MCF2L2: variants seen among roughly 807,000 people sequenced by gnomAD.
MCF2L2 encodes probable guanine nucleotide exchange factor MCF2L2.
MCF2L2 carries 102 observed loss-of-function variants against 150.2 expected under a neutral mutation model. That is an observed-to-expected ratio of 0.68 (90% CI 0.58 to 0.80). The LOEUF is 0.80. MCF2L2 is among the 30% of genes least tolerant of loss of function. MCF2L2 has a pLI of 0.00. For synonymous variants in MCF2L2, 465 were observed against 491.3 expected (o/e 0.95, Z 0.71); for missense variants, 1,256 against 1,372.8 (o/e 0.91, Z 1.34).
At chr3:183,341,708 C>T in intron 3 of MCF2L2, 78 bp from the exon 4 acceptor site, 3 of 968,872 alleles carry the variant, frequency 3.1e-6, no homozygotes, top group Non-Finnish European at 5.0e-6. Flanking sequence ...AGAATACACC[C>T]TGAAGCCTCC....
intron 14 of MCF2L2, among the ~76,000 whole-genome samples, chr3:183,281,083 TTTAA>T (rs149756301): frequency 0.02 from 3,034 of 152,148 alleles, 113 homozygotes; most frequent in African/African-American, 0.069. Flanking sequence ...GCATTGTAAA[TTTAA>T]TTAATTAATT....
At chr3:183,186,582 C>T (rs776383831) in intron 27 of MCF2L2, among the ~76,000 whole-genome samples, 1 of 152,158 alleles carries the variant, frequency 6.6e-6, no homozygotes. Flanking sequence ...CAAAAATTAG[C>T]GAGGTGTGGT....
intron 24 of MCF2L2, 24 bp from the exon 25 acceptor site, chr3:183,205,978 CT>C: frequency 1.9e-6 from 3 of 1,599,466 alleles, no homozygotes; most frequent in Non-Finnish European, 1.7e-6. Context: ...TAAGAAAACA[CT>C]ATAAGACTAC....
At chr3:183,261,441 C>T (rs989316350) in intron 15 of MCF2L2, among the ~76,000 whole-genome samples, 8 of 152,128 alleles carry the variant, frequency 5.3e-5, no homozygotes, top group East Asian at 1.9e-4. Flanking sequence ...AACTCTCCCA[C>T]GTGGGACTTT....
At chr3:183,253,980 T>C (rs1347671515) in intron 15 of MCF2L2, 1 of 152,028 alleles carries the variant, frequency 6.6e-6, no homozygotes, top group Non-Finnish European at 1.5e-5. Context: ...CACGGATGGT[T>C]CGTTCTCCGT....
rs775394180 is a variant in MCF2L2, at chr3:183,300,002, C to T, written c.1305+3G>A. The T allele has an allele frequency of 6.2e-7, 1 of 1,609,316 alleles. No homozygotes were observed. The highest frequency in any genetic ancestry group is 1.3e-5 in the African/African-American group (1 of 74,474). On this transcript the variant is annotated splice_donor_region_variant and intron_variant, in intron 11 of 29. Transcript: ENST00000328913. The stretch of plus-strand genomic sequence containing the variant: ...ATCATGTTCTTGGCTGTGTTTTGCT[C>T]ACCTTGTCCAGCTGTCTATGAAACT...
intron 3 of MCF2L2, among the ~76,000 whole-genome samples, chr3:183,363,416 T>C (rs1560041430): frequency 1.3e-5 from 2 of 152,214 alleles, no homozygotes; most frequent in Non-Finnish European, 2.9e-5. Context: ...AAAATACTCA[T>C]GATGCAGACG....
chr3:183,315,811 GCAAGA>G (rs1412821355), intron 7 of MCF2L2, among the ~76,000 whole-genome samples: 1 of 152,096 alleles, frequency 6.6e-6, no homozygotes, highest in East Asian at 1.9e-4. Context: ...AGCATATACA[GCAAGA>G]CCTGACTGGC....
Position 183,344,768 on chromosome 3 carries a change from G to T in MCF2L2, c.276-3138C>A, listed in dbSNP as rs192030228. Among the ~76,000 whole-genome samples, 19 of 152,212 alleles carry T rather than the reference G, an allele frequency of 1.2e-4. No homozygotes were observed. The East Asian group carries it at 3.7e-3, about 29-fold the overall frequency. On this transcript the variant is annotated intron_variant, in intron 3 of 29. Transcript: ENST00000328913. ...AAATGGAAAGAAAAAAAAGACAGGGGTTGCAATCCTAGTCTCTGATAAAAC... is the reference window on the plus strand; with the variant it reads ...AAATGGAAAGAAAAAAAAGACAGGGTTTGCAATCCTAGTCTCTGATAAAAC...
At chr3:183,226,246 C>T (rs969661757) in intron 18 of MCF2L2, 1 of 152,102 alleles carries the variant, frequency 6.6e-6, no homozygotes, top group Non-Finnish European at 1.5e-5. Flanking sequence ...AGATGGAGAC[C>T]ATCCTGGCCA....
chr3:183,218,238 G>GT (rs1414893070), intron 21 of MCF2L2, among the ~76,000 whole-genome samples: 2 of 152,334 alleles, frequency 1.3e-5, no homozygotes, highest in Admixed American at 1.3e-4. Context: ...TCTGAAAAAC[G>GT]TATCATGGAT....
At chr3:183,238,923 G>A (rs151044004) in intron 15 of MCF2L2, among the ~76,000 whole-genome samples, 7,746 of 148,084 alleles carry the variant, frequency 0.052, 641 homozygotes, top group African/African-American at 0.18. Flanking sequence ...CGTGGACCCC[G>A]GAGGTGGAGC....
At chr3:183,387,754 G>A (rs1470630870) in intron 2 of MCF2L2, among the ~76,000 whole-genome samples, 1 of 151,950 alleles carries the variant, frequency 6.6e-6, no homozygotes, top group Non-Finnish European at 1.5e-5. Context: ...CCAACATGGT[G>A]AAAGCCCATC....
chr3:183,404,601 G>A (rs897534403), intron 1 of MCF2L2, among the ~76,000 whole-genome samples: 13 of 152,298 alleles, frequency 8.5e-5, no homozygotes, highest in South Asian at 4.1e-4. Flanking sequence ...GGTGGCTCAC[G>A]CCTGTAATCC....
At chr3:183,294,527 A>T (rs1034136716) in intron 13 of MCF2L2, among the ~76,000 whole-genome samples, 6 of 139,284 alleles carry the variant, frequency 4.3e-5, no homozygotes, top group Non-Finnish European at 7.7e-5. Context: ...TAATTTATTT[A>T]TATATATATA....
chr3:183,425,903 C>T (rs1038213414), intron 1 of MCF2L2, among the ~76,000 whole-genome samples: 2 of 151,426 alleles, frequency 1.3e-5, no homozygotes, highest in Admixed American at 6.6e-5. Context: ...TGCAGTGAGT[C>T]GAGATCACAC....
Position 183,363,749 on chromosome 3 carries a change from A to C in MCF2L2, c.275+15548T>G, listed in dbSNP as rs548776657. Reference sequence around the variant, plus strand: ...GCAGGTAGAAAGAAATACACTTTAAACAGGAGATTTTAATATACTACTTTA... The same window carrying C: ...GCAGGTAGAAAGAAATACACTTTAACCAGGAGATTTTAATATACTACTTTA... On this transcript the variant is annotated intron_variant, in intron 3 of 29. Transcript: ENST00000328913. Among the ~76,000 whole-genome samples the C allele has an allele frequency of 1.8e-4, 28 of 152,288 alleles. 1 individual carries two copies. The South Asian group carries it at 5.6e-3, about 30-fold the overall frequency.
At chr3:183,351,226 ATATATATATATT>A (rs1345482777) in intron 3 of MCF2L2, among the ~76,000 whole-genome samples, 47 of 89,784 alleles carry the variant, frequency 5.2e-4, no homozygotes, top group Non-Finnish European at 6.3e-4. Context: ...ATATATATAT[ATATATATATATT>A]TATTTATTTA....
Position 183,190,855 on chromosome 3 carries a change from G to A in MCF2L2, c.3016+2144C>T, listed in dbSNP as rs77322200. Among the ~76,000 whole-genome samples, 347 of 152,272 alleles carry A rather than the reference G, an allele frequency of 2.3e-3. 12 individuals carry two copies. In the East Asian group the frequency reaches 0.062, roughly 27 times the overall value. ...TCTCTACTGTAATACTGTATATGTG[G>A]TTTATTTTAAAAACTTTTTTAGAAG... On this transcript the variant is annotated intron_variant, in intron 27 of 29. Transcript: ENST00000328913.
Sources: allele counts gnomAD v4.1 joint callset (sites outside exome capture counted in the v4.1 genomes callset), GRCh38; gene constraint gnomAD v4.1.1; transcripts MANE v1.5; gene names NCBI Gene and HGNC (gene_info 2026-07-23, HGNC 2026-07-21).